LOC128462377: variants seen among roughly 807,000 people sequenced by gnomAD.
the LOC128462377 span, among the ~76,000 whole-genome samples, chr16:89,414,086 C>T: frequency 2.0e-5 from 3 of 152,298 alleles, no homozygotes; most frequent in East Asian, 5.8e-4. Flanking sequence ...CACAGCTGCT[C>T]GGACTGCGCA....
chr16:89,374,134 C>T, the LOC128462377 span, among the ~76,000 whole-genome samples: 2 of 152,166 alleles, frequency 1.3e-5, no homozygotes, highest in South Asian at 2.1e-4. Context: ...CTTCACCCTC[C>T]CCTCTCCCCA....
At chr16:89,377,268 GGAGA>G in the LOC128462377 span, among the ~76,000 whole-genome samples, 3 of 150,592 alleles carry the variant, frequency 2.0e-5, no homozygotes, top group South Asian at 2.1e-4. Flanking sequence ...TGTCAACATG[GGAGA>G]GAGAGAGAGA....
chr16:89,334,630 C>A, the LOC128462377 span, among the ~76,000 whole-genome samples: 1 of 152,110 alleles, frequency 6.6e-6, no homozygotes, highest in Non-Finnish European at 1.5e-5. Context: ...CAGAGCCCAG[C>A]GCAGTCTCAG....
chr16:89,358,270 G>A, the LOC128462377 span, among the ~76,000 whole-genome samples: 1 of 152,246 alleles, frequency 6.6e-6, no homozygotes, highest in African/African-American at 2.4e-5. Flanking sequence ...TGCAGAAGAC[G>A]TAGAGCACAC....
the LOC128462377 span, among the ~76,000 whole-genome samples, chr16:89,327,332 A>G: frequency 6.6e-6 from 1 of 152,206 alleles, no homozygotes; most frequent in African/African-American, 2.4e-5. Flanking sequence ...ATAAAGGCCA[A>G]CTACCAAGAA....
chr16:89,388,293 A>ATTTTGTTTTTTTTTT, the LOC128462377 span, among the ~76,000 whole-genome samples: 3 of 85,264 alleles, frequency 3.5e-5, no homozygotes, highest in Admixed American at 3.2e-4. Context: ...CATGAGGCTG[A>ATTTTGTTTTTTTTTT]TTTTTTTTTT....
the LOC128462377 span, chr16:89,324,197 A>C: frequency 2.6e-6 from 3 of 1,175,872 alleles, no homozygotes; most frequent in Non-Finnish European, 2.1e-6. Context: ...CAGCACCGAG[A>C]GCGCGTTCAG....
chr16:89,351,267 C>G, the LOC128462377 span, among the ~76,000 whole-genome samples: 8 of 152,128 alleles, frequency 5.3e-5, no homozygotes, highest in Admixed American at 5.2e-4. Context: ...CATCACCCCA[C>G]GCCCACAGGC....
At chr16:89,395,617 G>T in the LOC128462377 span, 1 of 152,244 alleles carries the variant, frequency 6.6e-6, no homozygotes, top group African/African-American at 2.4e-5. Flanking sequence ...GCAAGCATAG[G>T]TATCAGGGGA....
chr16:89,374,861 C>G, the LOC128462377 span, among the ~76,000 whole-genome samples: 1 of 151,976 alleles, frequency 6.6e-6, no homozygotes, highest in Admixed American at 6.6e-5. Context: ...AACAAATACA[C>G]TGAAAAACTT....
the LOC128462377 span, chr16:89,323,744 ACTCT>A: frequency 4.0e-6 from 1 of 248,944 alleles, no homozygotes; most frequent in Admixed American, 5.4e-5. Flanking sequence ...CAAGAGTCCA[ACTCT>A]CTCTCCTTCC....
the LOC128462377 span, among the ~76,000 whole-genome samples, chr16:89,379,754 A>G: frequency 1.6e-4 from 25 of 152,390 alleles, no homozygotes; most frequent in Admixed American, 1.6e-3. Context: ...GTGATTCACA[A>G]AGAACTTGGA....
At chr16:89,323,164 A>G in the LOC128462377 span, 1 of 438,980 alleles carries the variant, frequency 2.3e-6, no homozygotes, top group Non-Finnish European at 4.0e-6. Flanking sequence ...CGGCTGCGTC[A>G]GGAGTGGTGC....
At chr16:89,412,352 G>C in the LOC128462377 span, 1 of 143,858 alleles carries the variant, frequency 7.0e-6, no homozygotes. Context: ...ACTGGGCTGA[G>C]ATGCCTCCCA....
chr16:89,334,999 G>A, the LOC128462377 span, among the ~76,000 whole-genome samples: 1 of 152,120 alleles, frequency 6.6e-6, no homozygotes, highest in East Asian at 1.9e-4. Context: ...AGGTACATGT[G>A]ACATGAGCTC....
the LOC128462377 span, among the ~76,000 whole-genome samples, chr16:89,363,532 A>G: frequency 1.3e-5 from 2 of 151,968 alleles, no homozygotes; most frequent in Admixed American, 1.3e-4. Context: ...CTCAAGGGGG[A>G]AAAAAAACCT....
the LOC128462377 span, among the ~76,000 whole-genome samples, chr16:89,413,390 C>G: frequency 6.6e-6 from 1 of 152,122 alleles, no homozygotes; most frequent in African/African-American, 2.4e-5. Flanking sequence ...CTTTGGGAGG[C>G]TGAGGTGGGC....
At chr16:89,354,185 T>C in the LOC128462377 span, among the ~76,000 whole-genome samples, 1 of 151,100 alleles carries the variant, frequency 6.6e-6, no homozygotes, top group Non-Finnish European at 1.5e-5. Flanking sequence ...CATTCAAATC[T>C]TCCAAGGCAC....
the LOC128462377 span, among the ~76,000 whole-genome samples, chr16:89,318,923 T>C: frequency 2.5e-3 from 388 of 152,302 alleles, 1 homozygote; most frequent in African/African-American, 8.9e-3. Flanking sequence ...CCTGAACCAA[T>C]GAATTTTACA....
Sources: allele counts gnomAD v4.1 joint callset (sites outside exome capture counted in the v4.1 genomes callset), GRCh38; gene constraint gnomAD v4.1.1; transcripts MANE v1.5.